The following RUNDC3B variants were observed in gnomAD, a reference collection of about 807,000 sequenced individuals.
RUNDC3B encodes RUN domain-containing protein 3B.
A neutral mutation model predicts 58.4 loss-of-function variants in RUNDC3B; 33 were observed. The observed-to-expected ratio is 0.56, with a 90% CI of 0.43 to 0.75. RUNDC3B has a LOEUF of 0.75. RUNDC3B is among the 30% of genes least tolerant of loss of function. The pLI, the probability that RUNDC3B is intolerant of heterozygous loss-of-function variation, is 0.00. For missense variants in RUNDC3B, 501 were observed against 535.7 expected (o/e 0.94, Z 0.64); for synonymous variants, 193 against 195.2 (o/e 0.99, Z 0.10).
chr7:87,741,328 A>G (rs998852483), intron 5 of RUNDC3B, among the ~76,000 whole-genome samples, 171 bp from the exon 6 acceptor site: 2 of 152,204 alleles, frequency 1.3e-5, no homozygotes, highest in South Asian at 4.1e-4. Context: ...TTGAAGGTAG[A>G]ATATTTTATT....
intron 2 of RUNDC3B, among the ~76,000 whole-genome samples, chr7:87,679,875 A>T (rs2130581044): frequency 6.6e-6 from 1 of 150,866 alleles, no homozygotes; most frequent in Non-Finnish European, 1.5e-5. Flanking sequence ...AGATGTCAAG[A>T]ACAGAAGATA....
rs1421144096 is a variant in RUNDC3B, at chr7:87,628,496, C to G, written c.-328C>G. 4 of 222,112 alleles carry G rather than the reference C, an allele frequency of 1.8e-5. No homozygotes were observed. In the East Asian group the frequency reaches 3.5e-4, roughly 20 times the overall value. The allele number at this position is 222,112 out of a possible 1,614,324, so 13.8% of individuals were successfully genotyped here. On this transcript the variant is annotated 5_prime_UTR_variant, in exon 1 of 11. Coordinates refer to ENST00000394654, the MANE Select transcript of RUNDC3B (RefSeq NM_001134405.2). ...GCGCGCGCGCCGTCTGCTGAGGTCC[C>G]TCGGGAAGGAGGAGAGCGCCTGACG... is the stretch of plus-strand genomic sequence containing the variant.
chr7:87,720,978 AT>A (rs1830855641), intron 4 of RUNDC3B, among the ~76,000 whole-genome samples: 1 of 149,494 alleles, frequency 6.7e-6, no homozygotes, highest in South Asian at 2.1e-4. Context: ...ATAGTTTAAA[AT>A]TAGCTAAATG....
At chr7:87,632,211 C>A (rs1209852391) in intron 1 of RUNDC3B, among the ~76,000 whole-genome samples, 1 of 151,340 alleles carries the variant, frequency 6.6e-6, no homozygotes, top group East Asian at 1.9e-4. Context: ...TAGGTGTATT[C>A]TCAGTTTAGG....
At chr7:87,722,663 T>A (rs1201141970) in intron 4 of RUNDC3B, among the ~76,000 whole-genome samples, 1 of 152,140 alleles carries the variant, frequency 6.6e-6, no homozygotes, top group Non-Finnish European at 1.5e-5. Context: ...AAGTGGGGCC[T>A]CCATTCTCAA....
chr7:87,749,025 G>A (rs530709930), intron 6 of RUNDC3B, among the ~76,000 whole-genome samples: 10 of 152,322 alleles, frequency 6.6e-5, no homozygotes, highest in Non-Finnish European at 8.8e-5. Context: ...GAAATGCGGA[G>A]AGGTTAAATA....
Position 87,628,814 on chromosome 7 carries a change from T to C in RUNDC3B, c.-10T>C, listed in dbSNP as rs541713113. 2.4e-6 allele frequency: 3 copies of C among 1,237,482 alleles called. No individual in the cohort carries two copies. The highest frequency in any genetic ancestry group is 3.1e-5 in the African/African-American group (2 of 64,020). The allele number at this position is 1,237,482 out of a possible 1,614,324, so 76.7% of individuals were successfully genotyped here. A position where few individuals can be genotyped will look rare whatever the true frequency, so the allele number is the denominator to read the frequency against. Reference sequence around the variant, plus strand: ...GCACGAGACAAAAGGGGCACGGGGGTAAGCCCGCCATGGCCTCCCGGAGCC... The same window carrying C: ...GCACGAGACAAAAGGGGCACGGGGGCAAGCCCGCCATGGCCTCCCGGAGCC... On this transcript the variant is annotated 5_prime_UTR_variant, in exon 1 of 11. Transcript: ENST00000394654.
At chr7:87,735,216 C>T (rs1831855832) in intron 4 of RUNDC3B, among the ~76,000 whole-genome samples, 1 of 152,192 alleles carries the variant, frequency 6.6e-6, no homozygotes, top group Non-Finnish European at 1.5e-5. Context: ...CTTTCTCCCT[C>T]ATTCCCTGTA....
intron 8 of RUNDC3B, among the ~76,000 whole-genome samples, chr7:87,800,952 T>G (rs1836114709): frequency 6.6e-6 from 1 of 152,200 alleles, no homozygotes; most frequent in South Asian, 2.1e-4. Context: ...CATTTATGTT[T>G]TATGTACACC....
At chr7:87,656,805 C>T (rs1482981104) in intron 2 of RUNDC3B, among the ~76,000 whole-genome samples, 1 of 152,136 alleles carries the variant, frequency 6.6e-6, no homozygotes, top group Admixed American at 6.6e-5. Flanking sequence ...CATCACTAAG[C>T]TACTTAAATT....
chr7:87,702,117 T>C (rs1206467282), intron 3 of RUNDC3B, among the ~76,000 whole-genome samples: 1 of 105,912 alleles, frequency 9.4e-6, no homozygotes, highest in East Asian at 3.0e-4. Context: ...CACTCCAGCC[T>C]GGGCAAAAGA....
chr7:87,727,959 A>T (rs1255639089), intron 4 of RUNDC3B, among the ~76,000 whole-genome samples: 1 of 152,156 alleles, frequency 6.6e-6, no homozygotes, highest in Non-Finnish European at 1.5e-5. Context: ...GGAAATGAGG[A>T]ATCATTATGA....
intron 6 of RUNDC3B, among the ~76,000 whole-genome samples, chr7:87,743,947 T>A (rs1832499486): frequency 6.6e-6 from 1 of 152,202 alleles, no homozygotes; most frequent in Non-Finnish European, 1.5e-5. Context: ...TAGTTTCAGG[T>A]CTTAGGTTTT....
chr7:87,708,952 A>G (rs559699715), intron 3 of RUNDC3B, among the ~76,000 whole-genome samples: 2 of 152,306 alleles, frequency 1.3e-5, no homozygotes, highest in Admixed American at 6.5e-5. Flanking sequence ...CCTTCATTTT[A>G]TGGATCACCC....
At chr7:87,759,063 C>T (rs573119866) in intron 6 of RUNDC3B, among the ~76,000 whole-genome samples, 1 of 152,236 alleles carries the variant, frequency 6.6e-6, no homozygotes, top group East Asian at 1.9e-4. Flanking sequence ...TTCACAATAG[C>T]TAAGATGTGG....
intron 9 of RUNDC3B, among the ~76,000 whole-genome samples, chr7:87,811,226 C>T (rs1836695047): frequency 6.6e-6 from 1 of 151,936 alleles, no homozygotes; most frequent in South Asian, 2.1e-4. Context: ...TCTACTTAAG[C>T]TTTTTTAGTC....
intron 3 of RUNDC3B, among the ~76,000 whole-genome samples, chr7:87,704,756 C>T (rs1337109072): frequency 6.6e-6 from 1 of 152,068 alleles, no homozygotes; most frequent in African/African-American, 2.4e-5. Flanking sequence ...ATTTGAGTTG[C>T]CTAGTTATGC....
chr7:87,681,215 C>T (rs1004561382), intron 2 of RUNDC3B, among the ~76,000 whole-genome samples: 3 of 150,548 alleles, frequency 2.0e-5, no homozygotes, highest in African/African-American at 7.4e-5. Context: ...AATGAAAACT[C>T]CAGGCCTAGA....
intron 8 of RUNDC3B, among the ~76,000 whole-genome samples, chr7:87,782,177 T>C (rs891157357): frequency 3.9e-5 from 6 of 152,120 alleles, no homozygotes; most frequent in Non-Finnish European, 5.9e-5. Flanking sequence ...AGGTTCTCAA[T>C]TTCTTCCTGG....
Sources: gnomAD v4.1 joint callset for allele counts (sites outside exome capture counted in the v4.1 genomes callset) on GRCh38, gnomAD v4.1.1 for gene constraint, MANE v1.5 for transcripts, NCBI Gene and HGNC (gene_info 2026-07-23, HGNC 2026-07-21) for gene names.